DDX10: variants seen among roughly 807,000 people sequenced by gnomAD.
DDX10 encodes DEAD-box helicase 10.
DDX10 carries 74 observed loss-of-function variants against 104.3 expected under a neutral mutation model. That is an observed-to-expected ratio of 0.71 (90% CI 0.59 to 0.86). The LOEUF is 0.86. Among genes scored for constraint, DDX10 ranks in the 40% least tolerant of loss-of-function variants. The pLI is 0.00. For missense variants in DDX10, 952 were observed against 1,040.0 expected, an observed-to-expected ratio of 0.92 and a Z score of 1.16; for synonymous variants, 351 against 353.4, an observed-to-expected ratio of 0.99 and a Z score of 0.08.
intron 13 of DDX10, among the ~76,000 whole-genome samples, chr11:108,724,634 G>T (rs537661103): frequency 6.6e-5 from 10 of 151,944 alleles, no homozygotes; most frequent in African/African-American, 1.2e-4. Context: ...TTAGATTTTC[G>T]TTTTAAATAA....
At chr11:108,687,091 A>G (rs565052168) in intron 6 of DDX10, among the ~76,000 whole-genome samples, 7 of 152,154 alleles carry the variant, frequency 4.6e-5, no homozygotes, top group South Asian at 2.1e-4. Flanking sequence ...GGCCTCAAGT[A>G]TGTTTGGTTT....
chr11:108,671,228 A>G (rs1024933880), intron 1 of DDX10, among the ~76,000 whole-genome samples: 1 of 152,214 alleles, frequency 6.6e-6, no homozygotes, highest in African/African-American at 2.4e-5. Context: ...CAGTGGCTCT[A>G]TCTCTGCTCA....
At chr11:108,866,699 A>G (rs1418257133) in intron 16 of DDX10, among the ~76,000 whole-genome samples, 1 of 152,198 alleles carries the variant, frequency 6.6e-6, no homozygotes, top group Non-Finnish European at 1.5e-5. Context: ...TGCATACCAT[A>G]TACTGTGCTA....
intron 14 of DDX10, among the ~76,000 whole-genome samples, chr11:108,839,312 C>T (rs1862604259): frequency 6.6e-6 from 1 of 152,166 alleles, no homozygotes; most frequent in South Asian, 2.1e-4. Context: ...ACCTTACCTC[C>T]ATCATAGCCT....
At chr11:108,910,287 C>T (rs888275083) in intron 16 of DDX10, among the ~76,000 whole-genome samples, 10 of 152,124 alleles carry the variant, frequency 6.6e-5, no homozygotes, top group African/African-American at 2.2e-4. Context: ...TTGTGTATGT[C>T]CAGGTTTGTA....
At chr11:108,699,366 G>T (rs2134455539) in intron 9 of DDX10, among the ~76,000 whole-genome samples, 1 of 152,314 alleles carries the variant, frequency 6.6e-6, no homozygotes, top group Admixed American at 6.5e-5. Context: ...CTGGCTCTCA[G>T]TCTATCACAA....
At chr11:108,741,274 C>G (rs1041394381) in intron 13 of DDX10, among the ~76,000 whole-genome samples, 1 of 151,924 alleles carries the variant, frequency 6.6e-6, no homozygotes, top group African/African-American at 2.4e-5. Flanking sequence ...TTAGGATTGC[C>G]TTGTCTATTT....
chr11:108,806,696 C>T (rs542809345), intron 13 of DDX10, among the ~76,000 whole-genome samples: 11 of 152,104 alleles, frequency 7.2e-5, no homozygotes, highest in East Asian at 5.8e-4. Context: ...TCAGAGGGCG[C>T]GTTGGATCTG....
rs538658033 is a variant in DDX10 at position 108,932,931 on chromosome 11, T to C, written c.2451-7315T>C. Among the ~76,000 whole-genome samples, 70 of 152,128 alleles carry C rather than the reference T, an allele frequency of 4.6e-4. 3 individuals carry two copies. The highest frequency in any genetic ancestry group is 1.7e-3 in the African/African-American group (69 of 41,384). ...CCAGGATAATGAGGGGAGATCCTAC[T>C]GTTACTGCATGTCTTATGGAACCTG... is the stretch of plus-strand genomic sequence containing the variant. On this transcript the variant is annotated intron_variant, in intron 17 of 17. Transcript: ENST00000322536.
intron 5 of DDX10, among the ~76,000 whole-genome samples, chr11:108,679,048 G>A (rs1183760085): frequency 5.9e-5 from 9 of 151,632 alleles, no homozygotes; most frequent in African/African-American, 1.9e-4. Flanking sequence ...TAGTAGAGGC[G>A]GGGTTTCACA....
chr11:108,784,619 A>G (rs1033766564), intron 13 of DDX10, among the ~76,000 whole-genome samples: 31 of 152,138 alleles, frequency 2.0e-4, no homozygotes, highest in Non-Finnish European at 4.1e-4. Context: ...AATAATTGCA[A>G]ATATTTTTTC....
At chr11:108,915,280 A>G (rs373559188) in intron 16 of DDX10, among the ~76,000 whole-genome samples, 20 of 152,328 alleles carry the variant, frequency 1.3e-4, no homozygotes, top group African/African-American at 4.8e-4. Context: ...TTACCCTTCA[A>G]GGAAAACAAC....
intron 16 of DDX10, among the ~76,000 whole-genome samples, chr11:108,897,816 A>C (rs1290641654): frequency 6.6e-6 from 1 of 152,112 alleles, no homozygotes; most frequent in Non-Finnish European, 1.5e-5. Context: ...TCTTTTTCAA[A>C]TACAGAAGTC....
intron 13 of DDX10, among the ~76,000 whole-genome samples, chr11:108,783,943 C>T (rs71489921): frequency 0.066 from 10,098 of 152,174 alleles, 387 homozygotes; most frequent in Middle Eastern, 0.13. Context: ...TGCATAAATT[C>T]GCTTAGGATA....
At chr11:108,834,784 C>T (rs920046577) in intron 13 of DDX10, among the ~76,000 whole-genome samples, 8 of 151,766 alleles carry the variant, frequency 5.3e-5, no homozygotes, top group South Asian at 2.1e-4. Context: ...AAAAATTAGC[C>T]GGGCGTGGTG....
At chr11:108,821,767 T>G (rs1357958335) in intron 13 of DDX10, among the ~76,000 whole-genome samples, 1 of 152,200 alleles carries the variant, frequency 6.6e-6, no homozygotes, top group Non-Finnish European at 1.5e-5. Flanking sequence ...TTATTTGATA[T>G]TACACATAAA....
intron 16 of DDX10, among the ~76,000 whole-genome samples, chr11:108,905,386 C>CT (rs1402565985): frequency 9.5e-5 from 1 of 10,516 alleles, no homozygotes; most frequent in East Asian, 0.056. Context: ...TTTTATAGTA[C>CT]GTCTTTATAT....
At chr11:108,904,582 T>C (rs1004307619) in intron 16 of DDX10, among the ~76,000 whole-genome samples, 1 of 152,186 alleles carries the variant, frequency 6.6e-6, no homozygotes, top group African/African-American at 2.4e-5. Context: ...CTGAGAGAAA[T>C]GGACTGGGTT....
intron 17 of DDX10, among the ~76,000 whole-genome samples, chr11:108,923,704 T>G (rs1863870688): frequency 6.6e-6 from 1 of 152,208 alleles, no homozygotes; most frequent in African/African-American, 2.4e-5. Context: ...TGCTGTGGTT[T>G]GTGCACTTGG....
Sources: allele counts gnomAD v4.1 joint callset (sites outside exome capture counted in the v4.1 genomes callset), GRCh38; gene constraint gnomAD v4.1.1; transcripts MANE v1.5; gene names NCBI Gene and HGNC (gene_info 2026-07-23, HGNC 2026-07-21).